Variants in CD81 observed in about 807,000 individuals in gnomAD.
CD81 encodes the protein CD81 molecule.
A neutral mutation model predicts 30.1 loss-of-function variants in CD81; 10 were observed. That is an observed-to-expected ratio of 0.33 (90% CI 0.21 to 0.56). The LOEUF is 0.56. Ranked by LOEUF, CD81 falls within the 20% of genes least tolerant of loss-of-function variation. CD81 has a pLI of 0.89. For synonymous variants in CD81, 147 were observed against 126.4 expected, an observed-to-expected ratio of 1.16 and a Z score of -1.10; for missense variants, 263 against 308.7, an observed-to-expected ratio of 0.85 and a Z score of 1.11.
In CD81 at chr11:2,395,421, C is replaced by T; in HGVS notation, c.360C>T (p.Ala120=). 6.2e-7 allele frequency: 1 copy of T among 1,612,216 alleles called. No individual in the cohort carries two copies. Among genetic ancestry groups the T allele is most frequent in the Non-Finnish European group, 8.5e-7 (1 of 1,179,450 alleles). Residue 120 remains alanine, a synonymous_variant, in exon 5 of 8, where the codon GCC becomes GCT. Transcript: ENST00000263645. ...IWGFVNKDQI[A]KDVKQFYDQA... Reference sequence around the variant, plus strand: ...TGACCGCACCCCTCCCCCAGATCGCCAAGGATGTGAAGCAGTTCTATGACC... The same window carrying T: ...TGACCGCACCCCTCCCCCAGATCGCTAAGGATGTGAAGCAGTTCTATGACC...
At chr11:2,385,505 G>A (rs1849776384) in intron 1 of CD81, among the ~76,000 whole-genome samples, 2 of 151,614 alleles carry the variant, frequency 1.3e-5, no homozygotes, top group Admixed American at 6.6e-5. Flanking sequence ...TGGCCTGCCC[G>A]TCGTCTATGC....
chr11:2,394,837 A>G (rs1049683358), intron 3 of CD81, 135 bp from the exon 4 acceptor site: 10 of 807,588 alleles, frequency 1.2e-5, no homozygotes, highest in Non-Finnish European at 1.9e-5. Flanking sequence ...CAAGCCGCTC[A>G]CTCCTGGTCA....
chr11:2,384,818 A>C (rs892302665), intron 1 of CD81: 1 of 153,254 alleles, frequency 6.5e-6, no homozygotes, highest in African/African-American at 2.4e-5. Flanking sequence ...AGTTGTGTGC[A>C]TGTCAGCTTC....
At chr11:2,395,712 C>G (rs1849987283) in intron 5 of CD81, 157 bp from the exon 6 acceptor site, 1 of 755,258 alleles carries the variant, frequency 1.3e-6, no homozygotes, top group Middle Eastern at 3.1e-4. Flanking sequence ...GTGCGGAAAG[C>G]TCTGAGCAGC....
chr11:2,394,292 G>A, intron 3 of CD81, 100 bp downstream of exon 3: 1 of 754,644 alleles, frequency 1.3e-6, no homozygotes, highest in East Asian at 2.7e-5. Context: ...GCGGAGCCTA[G>A]AATTCTGGGG....
chr11:2,393,777 T>TGACAG (rs1849945195), intron 2 of CD81: 1 of 610,528 alleles, frequency 1.6e-6, no homozygotes, highest in African/African-American at 1.8e-5. Context: ...GGGTGGTGGG[T>TGACAG]GTGGCAGGTG....
intron 1 of CD81, among the ~76,000 whole-genome samples, chr11:2,382,998 A>ACCCCTGGTGCCCACCT (rs1270645643): frequency 6.6e-6 from 1 of 151,998 alleles, no homozygotes; most frequent in East Asian, 1.9e-4. Context: ...GGTGCCCACC[A>ACCCCTGGTGCCCACCT]CCCCTGATGC....
At position 2,378,667 on chromosome 11, in the gene CD81, G is replaced by GCCTCCCCGTGGCCACGC. The variant is rs1473342680; in HGVS notation, c.66+1055_66+1071dup. On this transcript the variant is annotated intron_variant, in intron 1 of 7. Coordinates refer to ENST00000263645, the MANE Select transcript of CD81 (RefSeq NM_004356.4). The surrounding 1 kb of genome is among the most constrained non-coding windows in gnomAD (Gnocchi z 4.9). Reference sequence around the variant, plus strand: ...ACTGGAGTGGGTGTCCATGGCCGCGGCCTCCCCGTGGCCACGCCCCTGGGC... The same window carrying GCCTCCCCGTGGCCACGC: ...ACTGGAGTGGGTGTCCATGGCCGCGGCCTCCCCGTGGCCACGCCCTCCCCGTGGCCACGCCCCTGGGC... Among the ~76,000 whole-genome samples, 1 of 152,186 alleles carries GCCTCCCCGTGGCCACGC rather than the reference G, an allele frequency of 6.6e-6. No individual in the cohort carries two copies. Among genetic ancestry groups the GCCTCCCCGTGGCCACGC allele is most frequent in the Non-Finnish European group, 1.5e-5 (1 of 68,016 alleles).
intron 1 of CD81, among the ~76,000 whole-genome samples, chr11:2,380,186 A>G (rs185142050): frequency 6.6e-6 from 1 of 152,230 alleles, no homozygotes; most frequent in African/African-American, 2.4e-5. Context: ...CAGGATGTGC[A>G]GTGGGGAAGG....
At chr11:2,389,555 G>A (rs1204138492) in intron 1 of CD81, among the ~76,000 whole-genome samples, 1 of 152,100 alleles carries the variant, frequency 6.6e-6, no homozygotes, top group Non-Finnish European at 1.5e-5. Context: ...TGTGCACACC[G>A]GATGACCCGG....
At position 2,390,511 on chromosome 11, in the gene CD81, A is replaced by G; in HGVS notation, c.166A>G (p.Asn56Asp). ...YLELGDKPAP[N>D]TFYVGIYILI... ...GGAGCTGGGAGACAAGCCCGCGCCC[A>G]ACACCTTCTATGTAGGTGAGTGCAC... Residue 56 changes from asparagine to aspartate, a missense_variant, in exon 2 of 8, where the codon AAC becomes GAC. Physicochemically the swap from Asn to Asp is conservative, Grantham distance 23 (BLOSUM62 1). Transcript: ENST00000263645. 6.2e-7 allele frequency: 1 copy of G among 1,612,268 alleles called. No homozygotes were observed. The highest frequency in any genetic ancestry group is 8.5e-7 in the Non-Finnish European group (1 of 1,179,322).
At chr11:2,393,565 A>G (rs1849940086) in intron 2 of CD81, 1 of 367,984 alleles carries the variant, frequency 2.7e-6, no homozygotes, top group Non-Finnish European at 5.0e-6. Context: ...GGCAGGAGCC[A>G]GCAGGGCCCC....
At chr11:2,376,755 A>G (rs943040495), upstream of CD81, 4 of 152,394 alleles carry the variant, frequency 2.6e-5, no homozygotes, top group Admixed American at 2.6e-4. Flanking sequence ...TCCGTGAGAC[A>G]GGGATTGGTT....
chr11:2,389,934 T>G (rs1373580876), intron 1 of CD81, among the ~76,000 whole-genome samples: 13 of 152,038 alleles, frequency 8.6e-5, no homozygotes, highest in Admixed American at 6.5e-4. Flanking sequence ...GCCACACCCT[T>G]GCAGGAGGGG....
intron 1 of CD81, chr11:2,386,680 AT>A: frequency 1.1e-5 from 8 of 709,614 alleles, no homozygotes; most frequent in Non-Finnish European, 1.6e-5. Context: ...TTCTTGCCCC[AT>A]TTTTCCACCC....
chr11:2,385,518 C>T (rs1849776929), intron 1 of CD81: 2 of 243,558 alleles, frequency 8.2e-6, no homozygotes, highest in Non-Finnish European at 1.7e-5. Context: ...GTCTATGCAC[C>T]CGTGCTGTGG....
At chr11:2,394,069 C>T (rs1443629671) in intron 2 of CD81, 26 bp from the exon 3 acceptor site, 5 of 1,575,302 alleles carry the variant, frequency 3.2e-6, no homozygotes, top group Non-Finnish European at 4.4e-6. Flanking sequence ...GTGTAGGCAC[C>T]CACCTGGTGT....
At chr11:2,395,547 G>A (rs757658694) in intron 5 of CD81, 27 bp downstream of exon 5, 2 of 1,574,082 alleles carry the variant, frequency 1.3e-6, no homozygotes, top group South Asian at 2.2e-5. Flanking sequence ...CGAGGGCGGG[G>A]AGCAGGGCCC....
intron 1 of CD81, among the ~76,000 whole-genome samples, chr11:2,381,532 T>TA (rs1412541634): frequency 2.0e-5 from 3 of 152,246 alleles, no homozygotes; most frequent in Non-Finnish European, 4.4e-5. Context: ...TCCCTACCCC[T>TA]ATTTCCGCAC....
Sources: allele counts gnomAD v4.1 joint callset (sites outside exome capture counted in the v4.1 genomes callset), GRCh38; gene constraint gnomAD v4.1.1; non-coding constraint Gnocchi (gnomAD v3.1); transcripts MANE v1.5; gene names NCBI Gene and HGNC (gene_info 2026-07-23, HGNC 2026-07-21).